The following AMN1 variants were observed in gnomAD, a reference collection of about 807,000 sequenced individuals.
AMN1 encodes protein AMN1 homolog.
AMN1 carries 20 observed loss-of-function variants against 33.0 expected under a neutral mutation model. That is an observed-to-expected ratio of 0.61 (90% CI 0.43 to 0.88). The LOEUF is 0.88. Ranked by LOEUF, AMN1 falls within the 40% of genes least tolerant of loss-of-function variation. The probability of loss-of-function intolerance (pLI) is 0.00; values close to 1 mark genes in which losing one functional copy is unlikely to be tolerated. For missense variants in AMN1, 246 were observed against 307.4 expected, an observed-to-expected ratio of 0.80 and a Z score of 1.49; for synonymous variants, 114 against 111.9, an observed-to-expected ratio of 1.02 and a Z score of -0.12.
intron 6 of AMN1, among the ~76,000 whole-genome samples, chr12:31,676,484 G>T (rs1019817700): frequency 9.3e-5 from 14 of 150,864 alleles, no homozygotes; most frequent in Non-Finnish European, 1.8e-4. Context: ...GGCCCCCCCA[G>T]CTAATTTTTT....
Position 31,728,326 on chromosome 12 carries a change from G to A in AMN1, c.38+645C>T, listed in dbSNP as rs74085202. Among the ~76,000 whole-genome samples the A allele has an allele frequency of 9.6e-3, 1,465 of 152,232 alleles. 23 individuals carry two copies. Among genetic ancestry groups the A allele is most frequent in the African/African-American group, 0.033 (1,375 of 41,512 alleles). ...AATAATAACAATAACACTTAGTGGT[G>A]TTTATTATTTGCTGGGCATCCTTAT... is the stretch of plus-strand genomic sequence containing the variant. On this transcript the variant is annotated intron_variant, in intron 1 of 6. Coordinates refer to ENST00000281471, the MANE Select transcript of AMN1 (RefSeq NM_001113402.2).
chr12:31,685,181 C>T (rs1224389388), intron 6 of AMN1, among the ~76,000 whole-genome samples: 1 of 151,700 alleles, frequency 6.6e-6, no homozygotes, highest in African/African-American at 2.4e-5. Context: ...GGCACCCAGC[C>T]CCACACTCAA....
chr12:31,693,287 G>C (rs933963711), intron 5 of AMN1, among the ~76,000 whole-genome samples: 1 of 152,040 alleles, frequency 6.6e-6, no homozygotes. Flanking sequence ...GCCCAGGCTG[G>C]AGTGCAATTG....
chr12:31,673,739 C>A, intron 6 of AMN1: 3 of 339,234 alleles, frequency 8.8e-6, no homozygotes, highest in Non-Finnish European at 1.2e-5. Flanking sequence ...AACACCAGCA[C>A]ACCAAATCCA....
rs190519838 is a variant in AMN1 at position 31,671,977 on chromosome 12, G to A, written c.*327C>T. 36 of 199,400 alleles carry A rather than the reference G, an allele frequency of 1.8e-4. 1 individual carries two copies. In the East Asian group the frequency reaches 4.3e-3, roughly 24 times the overall value. 12.4% of individuals were successfully genotyped at this position (199,400 alleles called of 1,614,324 possible). The stretch of plus-strand genomic sequence containing the variant: ...TAGCTCAAATACCTACATAGGAGAA[G>A]GAAATCTCAAGGGAAAACAGTTAAT... On this transcript the variant is annotated 3_prime_UTR_variant, in exon 7 of 7. Transcript: ENST00000281471.
chr12:31,698,365 T>C (rs1002861407), intron 3 of AMN1, among the ~76,000 whole-genome samples: 2 of 152,212 alleles, frequency 1.3e-5, no homozygotes, highest in East Asian at 3.8e-4. Context: ...GCCCAAATGG[T>C]TTCAGTCATG....
intron 1 of AMN1, among the ~76,000 whole-genome samples, chr12:31,711,250 A>T (rs945078061): frequency 6.6e-6 from 1 of 151,842 alleles, no homozygotes; most frequent in Non-Finnish European, 1.5e-5. Context: ...TCCCACTCCC[A>T]TTCCCCACCC....
intron 5 of AMN1, among the ~76,000 whole-genome samples, chr12:31,696,784 G>A (rs1938745334): frequency 6.6e-6 from 1 of 151,748 alleles, no homozygotes; most frequent in Admixed American, 6.6e-5. Context: ...AAAATTAGTC[G>A]GTGGCACACA....
chr12:31,696,828 C>T (rs1002103441), intron 5 of AMN1, among the ~76,000 whole-genome samples: 2 of 150,508 alleles, frequency 1.3e-5, no homozygotes, highest in Non-Finnish European at 2.9e-5. Flanking sequence ...GGCTGAGGCA[C>T]GAGAAGTGCT....
At chr12:31,705,244 T>A (rs982914829) in intron 2 of AMN1, among the ~76,000 whole-genome samples, 2 of 152,318 alleles carry the variant, frequency 1.3e-5, no homozygotes, top group African/African-American at 2.4e-5. Context: ...ACACTTATAA[T>A]CCTAGATCTT....
intron 1 of AMN1, among the ~76,000 whole-genome samples, chr12:31,728,109 C>T (rs999460291): frequency 1.3e-5 from 2 of 152,150 alleles, no homozygotes; most frequent in African/African-American, 4.8e-5. Flanking sequence ...AGTTCTCCCA[C>T]CTCGGCCTCC....
chr12:31,685,559 G>C (rs1027919242), intron 6 of AMN1, among the ~76,000 whole-genome samples: 1 of 152,076 alleles, frequency 6.6e-6, no homozygotes, highest in Non-Finnish European at 1.5e-5. Context: ...CCAGAACTTT[G>C]GGAGGCCAAG....
chr12:31,688,606 G>A (rs1476952695), intron 6 of AMN1, among the ~76,000 whole-genome samples: 1 of 151,366 alleles, frequency 6.6e-6, no homozygotes, highest in Non-Finnish European at 1.5e-5. Flanking sequence ...TCAGGAGTTA[G>A]AGACCAGCCT....
chr12:31,714,785 A>G, intron 1 of AMN1: 1 of 348,868 alleles, frequency 2.9e-6, no homozygotes. Flanking sequence ...ACTCAAAAGC[A>G]GAGACTTTGC....
chr12:31,716,476 G>A (rs1463322914), intron 1 of AMN1, among the ~76,000 whole-genome samples: 2 of 152,134 alleles, frequency 1.3e-5, no homozygotes, highest in Non-Finnish European at 2.9e-5. Context: ...TGGTGAATGA[G>A]CATTCTTGTG....
At position 31,697,855 on chromosome 12, in the gene AMN1, C is replaced by G; in HGVS notation, c.419G>C (p.Cys140Ser). ...TAAATCGATGATCTTTAGCAGCTGG[C>G]AATTGAGTGCAAGAGCAACGACTCC... ...DEGVVALALNCQLLKIIDLGG... is the reference protein window; with the variant it reads ...DEGVVALALNSQLLKIIDLGG... Residue 140 changes from cysteine to serine, a missense_variant, in exon 4 of 7, where the codon TGC (cysteine) becomes TCC (serine). Cys to Ser is a moderately radical substitution (Grantham distance 112). Coordinates refer to ENST00000281471, the MANE Select transcript of AMN1 (RefSeq NM_001113402.2). 6.2e-7 allele frequency: 1 copy of G among 1,613,140 alleles called. No individual in the cohort carries two copies. Among genetic ancestry groups the G allele is most frequent in the Non-Finnish European group, 8.5e-7 (1 of 1,179,528 alleles).
intron 1 of AMN1, among the ~76,000 whole-genome samples, chr12:31,724,168 T>TA (rs1939976411): frequency 6.6e-6 from 1 of 152,194 alleles, no homozygotes; most frequent in African/African-American, 2.4e-5. Context: ...TGGTAAAGTT[T>TA]AATATATAAA....
At chr12:31,699,823 G>C (rs555781421) in intron 3 of AMN1, among the ~76,000 whole-genome samples, 6 of 152,140 alleles carry the variant, frequency 3.9e-5, no homozygotes, top group Non-Finnish European at 8.8e-5. Context: ...TAACTTGTGG[G>C]ATCTGAGGCT....
In AMN1 at chr12:31,697,790, A is replaced by G. The variant is rs202083072; in HGVS notation, c.484T>C (p.Leu162=). The G allele has an allele frequency of 6.2e-7, 1 of 1,614,020 alleles. No individual in the cohort carries two copies. Among genetic ancestry groups the G allele is most frequent in the East Asian group, 2.2e-5 (1 of 44,886 alleles). The change falls in exon 4 of 7, where the codon TTA becomes CTA. Residue 162 remains leucine, a synonymous_variant. Transcript: ENST00000281471. ...LSITDVSLHA[L]GKNCPFLQCV... is the part of the protein sequence containing the mutation. Reference sequence around the variant, plus strand: ...TGCAAAAATGGGCAGTTTTTTCCTAATGCATGTAAGGACACATCAGTAATA... The same window carrying G: ...TGCAAAAATGGGCAGTTTTTTCCTAGTGCATGTAAGGACACATCAGTAATA...
Sources: allele counts gnomAD v4.1 joint callset (sites outside exome capture counted in the v4.1 genomes callset), GRCh38; gene constraint gnomAD v4.1.1; transcripts MANE v1.5; gene names NCBI Gene and HGNC (gene_info 2026-07-23, HGNC 2026-07-21).